KLHL29: variants seen among roughly 807,000 people sequenced by gnomAD.
KLHL29 encodes kelch like family member 29, also known as kelch-like protein 29.
A neutral mutation model predicts 80.4 loss-of-function variants in KLHL29; 21 were observed. The observed-to-expected ratio is 0.26, with a 90% CI of 0.19 to 0.38. The LOEUF (loss-of-function observed/expected upper bound fraction) is 0.38, where lower values mean the gene tolerates loss of function less well. Among genes scored for constraint, KLHL29 ranks in the 10% least tolerant of loss-of-function variants. The pLI is 1.00. For missense variants in KLHL29, 867 were observed against 1,223.9 expected, an observed-to-expected ratio of 0.71 and a Z score of 4.35; for synonymous variants, 511 against 526.8, an observed-to-expected ratio of 0.97 and a Z score of 0.41.
intron 1 of KLHL29, among the ~76,000 whole-genome samples, chr2:23,422,301 T>G (rs532241808): frequency 6.6e-6 from 1 of 151,904 alleles, no homozygotes; most frequent in South Asian, 2.1e-4. Flanking sequence ...GTGCATTTTG[T>G]GTTTCCTTAT....
intron 1 of KLHL29, among the ~76,000 whole-genome samples, chr2:23,467,072 C>A (rs1367302180): frequency 6.6e-6 from 1 of 152,176 alleles, no homozygotes; most frequent in East Asian, 1.9e-4. Context: ...CTGTCATTCA[C>A]CCCCTCCTGT....
chr2:23,435,900 T>TC (rs1491095614), intron 1 of KLHL29, among the ~76,000 whole-genome samples: 421 of 110,070 alleles, frequency 3.8e-3, no homozygotes, highest in Non-Finnish European at 4.3e-3. Context: ...TCTCTCTCTC[T>TC]TTTTTTTTTT....
At chr2:23,585,183 G>A (rs563486478) in intron 3 of KLHL29, among the ~76,000 whole-genome samples, 1 of 152,152 alleles carries the variant, frequency 6.6e-6, no homozygotes, top group Non-Finnish European at 1.5e-5. Flanking sequence ...GTGACTGCTC[G>A]CCAAGAAACC....
At chr2:23,518,172 C>T (rs1665996480) in intron 2 of KLHL29, among the ~76,000 whole-genome samples, 1 of 152,214 alleles carries the variant, frequency 6.6e-6, no homozygotes. Flanking sequence ...CTCAGCCCCT[C>T]CGTGGGGACC....
chr2:23,703,965 C>T, intron 13 of KLHL29, 102 bp downstream of exon 13: 1 of 1,332,272 alleles, frequency 7.5e-7, no homozygotes, highest in Non-Finnish European at 1.0e-6. Context: ...TAGCAATTCC[C>T]AGGCCCAGAG....
chr2:23,605,959 G>A (rs545087656), intron 3 of KLHL29, among the ~76,000 whole-genome samples: 18 of 152,032 alleles, frequency 1.2e-4, no homozygotes, highest in Non-Finnish European at 1.9e-4. Flanking sequence ...TGGTAGAGAT[G>A]GGGTTTTGCC....
At position 23,693,513 on chromosome 2, in the gene KLHL29, C is replaced by G. The variant is rs61729937; in HGVS notation, c.1527C>G (p.Pro509=). The G allele has an allele frequency of 6.5e-7, 1 of 1,550,376 alleles. No individual in the cohort carries two copies. The highest frequency in any genetic ancestry group is 1.4e-5 in the African/African-American group (1 of 73,028). The change falls in exon 8 of 14, where the codon CCC becomes CCG. Residue 509 remains proline (P), a synonymous_variant. Transcript: ENST00000486442. ...TCATCAAGTGGATCAAGAAGGACCC[C>G]GCGACACGCACACAGGTGGGGCCTG... ...ETVIKWIKKD[P]ATRTQYAAEL...
rs115719557 is a variant in KLHL29 at position 23,469,524 on chromosome 2, C to G, written c.-153-6036C>G. Among the ~76,000 whole-genome samples the G allele has an allele frequency of 8.0e-3, 1,219 of 152,278 alleles. 14 individuals are homozygous for G. Among genetic ancestry groups the G allele is most frequent in the African/African-American group, 0.025 (1,051 of 41,538 alleles). On this transcript the variant is annotated intron_variant, in intron 1 of 13. Coordinates refer to ENST00000486442, the MANE Select transcript of KLHL29 (RefSeq NM_052920.2). ...GAGATTTATGGGTCTGAAGGAGAAG[C>G]AACATCTGGGAAGGAATTATTGCAA... is the stretch of plus-strand genomic sequence containing the variant.
intron 1 of KLHL29, among the ~76,000 whole-genome samples, chr2:23,462,671 ATTAATC>A (rs1664247560): frequency 6.6e-6 from 1 of 152,240 alleles, no homozygotes; most frequent in South Asian, 2.1e-4. Flanking sequence ...GTGCTAAGAA[ATTAATC>A]TTATGCCCAA....
chr2:23,670,740 C>A (rs1670693156), intron 5 of KLHL29, among the ~76,000 whole-genome samples: 1 of 152,040 alleles, frequency 6.6e-6, no homozygotes, highest in Non-Finnish European at 1.5e-5. Flanking sequence ...GCTTTTACCT[C>A]CCCTGAAATG....
Position 23,503,407 on chromosome 2 carries a change from C to G in KLHL29, c.-46+27740C>G, listed in dbSNP as rs751197283. Among the ~76,000 whole-genome samples the G allele has an allele frequency of 7.9e-5, 12 of 152,220 alleles. No homozygotes were observed. The highest frequency in any genetic ancestry group is 1.6e-4 in the Non-Finnish European group (11 of 68,040). On this transcript the variant is annotated intron_variant, in intron 2 of 13. Transcript: ENST00000486442. This position sits in a 1 kb window ranked among gnomAD's most constrained non-coding sequence, Gnocchi z 4.0. ...TAATTCTCTTTGTTATCTTTGGCCA[C>G]TTACATGTTTGCCATGATCATTGCC...
At chr2:23,659,470 G>A (rs888684041) in intron 5 of KLHL29, among the ~76,000 whole-genome samples, 11 of 152,180 alleles carry the variant, frequency 7.2e-5, no homozygotes, top group African/African-American at 2.7e-4. Flanking sequence ...CTCAGCCCCA[G>A]AGCCTTGTCC....
At chr2:23,484,177 C>G (rs1169216197) in intron 2 of KLHL29, among the ~76,000 whole-genome samples, 2 of 152,190 alleles carry the variant, frequency 1.3e-5, no homozygotes, top group African/African-American at 2.4e-5. Context: ...CTGGAGACCC[C>G]TCCACTTGCT....
intron 1 of KLHL29, among the ~76,000 whole-genome samples, chr2:23,395,475 G>A (rs1386565022): frequency 2.6e-5 from 4 of 152,222 alleles, no homozygotes; most frequent in African/African-American, 4.8e-5. Context: ...GGCCAGGCAT[G>A]GTGGCTCACG....
intron 1 of KLHL29, among the ~76,000 whole-genome samples, chr2:23,440,205 A>G (rs879834241): frequency 1.3e-5 from 2 of 152,188 alleles, no homozygotes; most frequent in Admixed American, 1.3e-4. Context: ...TTCGACAAAC[A>G]TGCAAAAAAC....
At position 23,703,213 on chromosome 2, in the gene KLHL29, G is replaced by A; in HGVS notation, c.2133G>A (p.Glu711=). The A allele has an allele frequency of 1.4e-6, 2 of 1,467,350 alleles. No homozygotes were observed. The highest frequency in any genetic ancestry group is 1.8e-6 in the Non-Finnish European group (2 of 1,106,114). The allele number at this position is 1,467,350 out of a possible 1,614,324, so 90.9% of individuals were successfully genotyped here. ...ACGACACCATCACCAACCAATGGGA[G>A]GCGGTGGCCCCTCTGCCCAAGGCAG... ...ERYDTITNQW[E]AVAPLPKAVH... The change falls in exon 12 of 14, where the codon GAG becomes GAA. Residue 711 remains glutamate (E), a synonymous_variant. Transcript: ENST00000486442.
At chr2:23,492,462 C>T (rs1478050729) in intron 2 of KLHL29, among the ~76,000 whole-genome samples, 5 of 152,230 alleles carry the variant, frequency 3.3e-5, no homozygotes, top group Admixed American at 3.3e-4. Flanking sequence ...GCCCACCCTC[C>T]AGCCTCAGCT....
At chr2:23,664,613 T>C (rs1169973911) in intron 5 of KLHL29, among the ~76,000 whole-genome samples, 9 of 152,214 alleles carry the variant, frequency 5.9e-5, no homozygotes, top group Non-Finnish European at 5.9e-5. Flanking sequence ...TGCCATCAGT[T>C]TGATGAGTCC....
At position 23,696,143 on chromosome 2, in the gene KLHL29, C is replaced by T; in HGVS notation, c.1924+10C>T. The T allele has an allele frequency of 6.5e-7, 1 of 1,549,688 alleles. No homozygotes were observed. The highest frequency in any genetic ancestry group is 8.7e-7 in the Non-Finnish European group (1 of 1,145,736). ...AACATCTACCTCTCAGGTGAGGCCC[C>T]CCGGGGTTGGGGCGGGACCAGGCAT... On this transcript the variant is annotated intron_variant, in intron 10 of 13. Transcript: ENST00000486442. This position sits in a 1 kb window ranked among gnomAD's most constrained non-coding sequence, Gnocchi z 5.5.
Sources: gnomAD v4.1 joint callset for allele counts (sites outside exome capture counted in the v4.1 genomes callset) on GRCh38, gnomAD v4.1.1 for gene constraint, Gnocchi (gnomAD v3.1) non-coding constraint, MANE v1.5 for transcripts, NCBI Gene and HGNC (gene_info 2026-07-23, HGNC 2026-07-21) for gene names.